The following NRXN1 variants were observed in gnomAD, a reference collection of about 807,000 sequenced individuals.
The protein encoded by NRXN1 is neurexin-1.
Under a neutral mutation model 150.9 loss-of-function variants are expected in NRXN1, and 39 were observed. The ratio of observed to expected loss-of-function variants is 0.26; its 90% CI spans 0.20 to 0.34. The LOEUF (loss-of-function observed/expected upper bound fraction) is 0.34. Among genes scored for constraint, NRXN1 ranks in the 10% least tolerant of loss-of-function variants. The pLI is 1.00. For missense variants in NRXN1, 1,815 were observed against 1,949.9 expected (o/e 0.93, Z 1.30); for synonymous variants, 924 against 757.0 (o/e 1.22, Z -3.62).
At chr2:50,022,040 G>A (rs1268203298) in intron 21 of NRXN1, among the ~76,000 whole-genome samples, 1 of 152,008 alleles carries the variant, frequency 6.6e-6, no homozygotes, top group Non-Finnish European at 1.5e-5. Context: ...TAGTAGAGAC[G>A]AGATTTCACC....
intron 5 of NRXN1, among the ~76,000 whole-genome samples, chr2:50,682,472 A>C (rs1690548395): frequency 6.6e-6 from 1 of 152,152 alleles, no homozygotes; most frequent in Admixed American, 6.6e-5. Context: ...GCTTATCAAC[A>C]TTAAATAAGG....
chr2:51,015,640 A>T (rs969234018), intron 2 of NRXN1, among the ~76,000 whole-genome samples: 1 of 152,018 alleles, frequency 6.6e-6, no homozygotes, highest in East Asian at 1.9e-4. Context: ...TAGAATAACA[A>T]TGGATAAACT....
chr2:49,956,609 T>C (rs1167768346), intron 21 of NRXN1, among the ~76,000 whole-genome samples: 3 of 152,158 alleles, frequency 2.0e-5, no homozygotes, highest in Admixed American at 6.6e-5. Flanking sequence ...GAGCAAATGC[T>C]GTTTGACTCT....
intron 17 of NRXN1, among the ~76,000 whole-genome samples, chr2:50,303,850 C>G (rs2074378858): frequency 6.6e-6 from 1 of 152,046 alleles, no homozygotes; most frequent in African/African-American, 2.4e-5. Context: ...TAATTAATAA[C>G]TGGAAATTTT....
chr2:49,973,276 T>C (rs1024424920), intron 21 of NRXN1, among the ~76,000 whole-genome samples: 16 of 152,244 alleles, frequency 1.1e-4, no homozygotes, highest in African/African-American at 3.6e-4. Context: ...ATAAACACTT[T>C]CATTATCCCA....
intron 17 of NRXN1, among the ~76,000 whole-genome samples, chr2:50,360,046 C>T (rs1349740506): frequency 6.6e-6 from 1 of 152,146 alleles, no homozygotes; most frequent in African/African-American, 2.4e-5. Flanking sequence ...CCTTTACAGA[C>T]AAGCAAATGC....
chr2:50,405,645 A>G (rs114408190), intron 17 of NRXN1, among the ~76,000 whole-genome samples: 1,976 of 152,170 alleles, frequency 0.013, 40 homozygotes, highest in African/African-American at 0.045. Flanking sequence ...TATGTTTCTG[A>G]CTTTTTCTTC....
intron 8 of NRXN1, among the ~76,000 whole-genome samples, chr2:50,554,091 T>C (rs1667890138): frequency 6.6e-6 from 1 of 152,146 alleles, no homozygotes; most frequent in Non-Finnish European, 1.5e-5. Context: ...AGGGACTCTA[T>C]AGATTTCAAA....
At chr2:50,313,275 C>G (rs902935534) in intron 17 of NRXN1, among the ~76,000 whole-genome samples, 4 of 152,052 alleles carry the variant, frequency 2.6e-5, no homozygotes, top group African/African-American at 9.7e-5. Context: ...TTCCCTAGTT[C>G]CCACCCTAAG....
chr2:50,227,050 T>A (rs1221655314), intron 18 of NRXN1, among the ~76,000 whole-genome samples: 1 of 151,980 alleles, frequency 6.6e-6, no homozygotes, highest in Admixed American at 6.6e-5. Context: ...GGCATCATGC[T>A]GTTCAGTATG....
intron 5 of NRXN1, among the ~76,000 whole-genome samples, chr2:50,704,537 T>G (rs1462062551): frequency 6.6e-6 from 1 of 151,800 alleles, no homozygotes; most frequent in Non-Finnish European, 1.5e-5. Flanking sequence ...AAATAATGGT[T>G]TCATTTTAAG....
intron 17 of NRXN1, among the ~76,000 whole-genome samples, chr2:50,329,670 TATA>T (rs1314022578): frequency 0.019 from 425 of 22,776 alleles, 1 homozygote; most frequent in East Asian, 0.047. Flanking sequence ...TATATATATA[TATA>T]TTTTTTTTTT....
intron 18 of NRXN1, among the ~76,000 whole-genome samples, chr2:50,100,581 T>C (rs949671767): frequency 6.6e-6 from 1 of 152,078 alleles, no homozygotes. Flanking sequence ...TGAGAAGACA[T>C]TCTCAAACCA....
intron 5 of NRXN1, among the ~76,000 whole-genome samples, chr2:50,706,061 CT>C (rs1694391513): frequency 6.6e-6 from 1 of 152,140 alleles, no homozygotes; most frequent in Non-Finnish European, 1.5e-5. Flanking sequence ...CCCCGTCAAG[CT>C]TCCAAGTGCT....
intron 17 of NRXN1, among the ~76,000 whole-genome samples, chr2:50,431,331 T>C (rs770188123): frequency 6.6e-6 from 1 of 152,178 alleles, no homozygotes; most frequent in Non-Finnish European, 1.5e-5. Context: ...ACCAGTGACC[T>C]GACAATCACC....
At chr2:50,193,715 A>G (rs1286132780) in intron 18 of NRXN1, among the ~76,000 whole-genome samples, 2 of 152,066 alleles carry the variant, frequency 1.3e-5, no homozygotes, top group Non-Finnish European at 2.9e-5. Flanking sequence ...AAATTTCTCA[A>G]TTAATAAGAT....
intron 5 of NRXN1, among the ~76,000 whole-genome samples, chr2:50,736,447 G>A (rs1346978324): frequency 3.3e-5 from 5 of 152,080 alleles, no homozygotes; most frequent in Non-Finnish European, 7.4e-5. Context: ...GCTTCACAAG[G>A]ATAGTGATAT....
chr2:49,961,230 G>C (rs116594755), intron 21 of NRXN1, among the ~76,000 whole-genome samples: 2 of 151,602 alleles, frequency 1.3e-5, no homozygotes, highest in African/African-American at 2.4e-5. Context: ...CTTCACAAAC[G>C]CATTATTAGC....
At chr2:50,120,189 A>C (rs1165163517) in intron 18 of NRXN1, among the ~76,000 whole-genome samples, 5 of 152,226 alleles carry the variant, frequency 3.3e-5, no homozygotes. Context: ...CTTTCAAAGA[A>C]AACATATATA....
Sources: allele counts gnomAD v4.1 joint callset (sites outside exome capture counted in the v4.1 genomes callset), GRCh38; gene constraint gnomAD v4.1.1; transcripts MANE v1.5; gene names NCBI Gene and HGNC (gene_info 2026-07-23, HGNC 2026-07-21).